Variants in PEX7 observed in about 807,000 individuals in gnomAD.
PEX7 encodes the protein peroxisomal biogenesis factor 7.
Under a neutral mutation model 47.5 loss-of-function variants are expected in PEX7, and 34 were observed. The ratio of observed to expected loss-of-function variants is 0.72; its 90% confidence interval spans 0.54 to 0.95. PEX7 has a LOEUF of 0.95. Ranked by LOEUF, PEX7 falls within the 40% of genes least tolerant of loss-of-function variation. PEX7 has a pLI of 0.00. For synonymous variants in PEX7, 141 were observed against 148.8 expected (o/e 0.95, Z 0.38); for missense variants, 394 against 400.3 (o/e 0.98, Z 0.13).
intron 5 of PEX7, among the ~76,000 whole-genome samples, chr6:136,848,171 C>T (rs1774664051): frequency 6.6e-6 from 1 of 152,160 alleles, no homozygotes; most frequent in Non-Finnish European, 1.5e-5. Flanking sequence ...TATAGGAATG[C>T]TTGTGATTCT....
At chr6:136,902,684 T>C (rs1471619322) in intron 9 of PEX7, among the ~76,000 whole-genome samples, 1 of 152,190 alleles carries the variant, frequency 6.6e-6, no homozygotes, top group Non-Finnish European at 1.5e-5. Context: ...TGTAGACTTG[T>C]GATTCTAGAC....
At chr6:136,864,274 G>A (rs1477957395) in intron 5 of PEX7, among the ~76,000 whole-genome samples, 1 of 151,298 alleles carries the variant, frequency 6.6e-6, no homozygotes, top group Non-Finnish European at 1.5e-5. Flanking sequence ...GTTATTATTG[G>A]GGGGACATAA....
chr6:136,845,286 T>G (rs2115169832), intron 3 of PEX7, among the ~76,000 whole-genome samples: 1 of 152,356 alleles, frequency 6.6e-6, no homozygotes, highest in African/African-American at 2.4e-5. Context: ...CTTTCTAATC[T>G]GCTTTGACAT....
intron 1 of PEX7, chr6:136,823,358 C>T (rs1355158314): frequency 1.0e-6 from 1 of 985,154 alleles, no homozygotes; most frequent in African/African-American, 1.7e-5. Context: ...AGTTGTCTAA[C>T]GAGGAATGCA....
intron 9 of PEX7, among the ~76,000 whole-genome samples, chr6:136,913,125 G>A (rs1249084735): frequency 3.9e-5 from 6 of 152,204 alleles, no homozygotes; most frequent in Admixed American, 1.3e-4. Context: ...AGTCTGGAAC[G>A]TATCTTTTCG....
intron 9 of PEX7, among the ~76,000 whole-genome samples, chr6:136,905,286 C>A (rs970693228): frequency 6.6e-6 from 1 of 152,138 alleles, no homozygotes; most frequent in African/African-American, 2.4e-5. Flanking sequence ...TTCACTTATC[C>A]ACTGTTTTTA....
intron 3 of PEX7, chr6:136,829,947 T>C: frequency 1.4e-6 from 1 of 694,624 alleles, no homozygotes; most frequent in Non-Finnish European, 2.6e-6. Flanking sequence ...AAAAGAAAGT[T>C]ATTAAAAAAA....
intron 8 of PEX7, among the ~76,000 whole-genome samples, chr6:136,888,326 G>A (rs1359199261): frequency 6.6e-6 from 1 of 152,098 alleles, no homozygotes; most frequent in African/African-American, 2.4e-5. Flanking sequence ...AAGAAATCAT[G>A]TGGCTAATGA....
chr6:136,900,864 A>G lies in PEX7; in HGVS notation c.903+2623A>G, dbSNP rs77624155. 2 of 280,112 alleles carry G rather than the reference A, an allele frequency of 7.1e-6. No homozygotes were observed. The highest frequency in any genetic ancestry group is 2.3e-5 in the African/African-American group (1 of 43,970). 17.4% of individuals were successfully genotyped at this position (280,112 alleles called of 1,614,324 possible). On this transcript the variant is annotated intron_variant, in intron 9 of 9. Coordinates refer to ENST00000318471, the MANE Select transcript of PEX7 (RefSeq NM_000288.4). The surrounding 1 kb of genome is among the most constrained non-coding windows in gnomAD (Gnocchi z 4.2). ...TTCTCTTGCTTTGTCTCTGGTCTGT[A>G]TTATGGGCCAGCTTATGTAGTTGAG...
At chr6:136,834,019 A>G (rs185928888) in intron 3 of PEX7, among the ~76,000 whole-genome samples, 1 of 152,262 alleles carries the variant, frequency 6.6e-6, no homozygotes, top group East Asian at 1.9e-4. Context: ...AACAACAACA[A>G]CAAAAAAAAC....
chr6:136,845,962 ATATT>A (rs1474015668), intron 4 of PEX7, 107 bp from the exon 5 acceptor site: 1 of 734,372 alleles, frequency 1.4e-6, no homozygotes, highest in Non-Finnish European at 2.4e-6. Flanking sequence ...ATCTGTATAT[ATATT>A]GTATGCATAT....
chr6:136,882,534 A>C (rs1775395113), intron 8 of PEX7, among the ~76,000 whole-genome samples: 1 of 145,146 alleles, frequency 6.9e-6, no homozygotes, highest in South Asian at 2.3e-4. Context: ...ATTCAGCAAA[A>C]GATCTTACCT....
At position 136,837,361 on chromosome 6, in the gene PEX7, C is replaced by CAAAAAAAAAAAAAAAAAAAA. The variant is rs58922622; in HGVS notation, c.340-8240_340-8239insAAAAAAAAAAAAAAAAAAAA. 5.8e-4 allele frequency among the ~76,000 whole-genome samples: 48 copies of CAAAAAAAAAAAAAAAAAAAA among 83,306 alleles called. 2 individuals are homozygous for CAAAAAAAAAAAAAAAAAAAA. Among genetic ancestry groups the CAAAAAAAAAAAAAAAAAAAA allele is most frequent in the Non-Finnish European group, 7.4e-4 (33 of 44,346 alleles). The allele number at this position is 83,306 out of a possible 152,430, so 54.7% of individuals were successfully genotyped here. ...TGGGCGACAGAGTGAGAGTCTGTCA[C>CAAAAAAAAAAAAAAAAAAAA]AAAAAAAAAAAAAAGAAACTGAAAG... On this transcript the variant is annotated intron_variant, in intron 3 of 9. Coordinates refer to ENST00000318471, the MANE Select transcript of PEX7 (RefSeq NM_000288.4).
intron 9 of PEX7, among the ~76,000 whole-genome samples, chr6:136,911,478 T>A (rs1775931650): frequency 6.6e-6 from 1 of 152,126 alleles, no homozygotes; most frequent in Non-Finnish European, 1.5e-5. Flanking sequence ...TGATCTCGGC[T>A]CACTGCAACC....
At chr6:136,831,992 C>G (rs1774302136) in intron 3 of PEX7, among the ~76,000 whole-genome samples, 1 of 152,238 alleles carries the variant, frequency 6.6e-6, no homozygotes, top group African/African-American at 2.4e-5. Flanking sequence ...CCTCACAACT[C>G]CAGTAGGCAG....
intron 1 of PEX7, among the ~76,000 whole-genome samples, chr6:136,824,011 A>G (rs1300894203): frequency 6.6e-6 from 1 of 152,218 alleles, no homozygotes; most frequent in Non-Finnish European, 1.5e-5. Flanking sequence ...AACTCATTTC[A>G]TAATGTCAGT....
intron 3 of PEX7, among the ~76,000 whole-genome samples, chr6:136,839,299 T>G (rs1349260270): frequency 6.6e-6 from 1 of 152,216 alleles, no homozygotes; most frequent in Non-Finnish European, 1.5e-5. Context: ...ATACAGATAA[T>G]AATAAAAATT....
At chr6:136,822,844 G>GGGCCGC (rs2115123185) in intron 1 of PEX7, 49 bp downstream of exon 1, 1 of 1,235,044 alleles carries the variant, frequency 8.1e-7, no homozygotes, top group Admixed American at 4.4e-5. Context: ...GCGGAGGCGG[G>GGGCCGC]GGCCAGCCGG....
rs767901695 is a variant in PEX7 at position 136,826,445 on chromosome 6, A to G, written c.315A>G (p.Gln105=). 19 of 1,613,908 alleles carry G rather than the reference A, an allele frequency of 1.2e-5. No individual in the cohort carries two copies. Among genetic ancestry groups the G allele is most frequent in the South Asian group, 3.3e-5 (3 of 91,078 alleles). The change falls in exon 3 of 10, where the codon CAA becomes CAG. Residue 105 remains glutamine, a synonymous_variant. Coordinates refer to ENST00000318471, the MANE Select transcript of PEX7 (RefSeq NM_000288.4). ...CTGCCAAAGCTGCAGGGCCACTGCA[A>G]GTCTATAAAGAACACGCTCAGGAGG... is the stretch of plus-strand genomic sequence containing the variant. The part of the protein sequence containing the change: ...WDTAKAAGPL[Q]VYKEHAQEVY...
Sources: gnomAD v4.1 joint callset for allele counts (sites outside exome capture counted in the v4.1 genomes callset) on GRCh38, gnomAD v4.1.1 for gene constraint, Gnocchi (gnomAD v3.1) non-coding constraint, MANE v1.5 for transcripts, NCBI Gene and HGNC (gene_info 2026-07-23, HGNC 2026-07-21) for gene names.